HDAC1: variants seen among roughly 807,000 people sequenced by gnomAD.
The protein encoded by HDAC1 is histone deacetylase 1, also known as protein deacetylase HDAC1.
In HDAC1, 18 loss-of-function variants were observed where a neutral mutation model predicts 65.5. The observed-to-expected ratio is 0.27, with a 90% CI of 0.19 to 0.41. The LOEUF is 0.41. HDAC1 is among the 10% of genes least tolerant of loss of function. HDAC1 has a pLI of 1.00. For synonymous variants in HDAC1, 211 were observed against 227.9 expected, an observed-to-expected ratio of 0.93 and a Z score of 0.67; for missense variants, 373 against 625.2, an observed-to-expected ratio of 0.60 and a Z score of 4.30.
intron 3 of HDAC1, among the ~76,000 whole-genome samples, chr1:32,318,338 C>G (rs1641092543): frequency 6.6e-6 from 1 of 152,152 alleles, no homozygotes; most frequent in Non-Finnish European, 1.5e-5. Context: ...GGGAGGATTG[C>G]TTGAGCCCAG....
chr1:32,308,241 C>G (rs547696559), intron 2 of HDAC1, among the ~76,000 whole-genome samples: 1 of 152,304 alleles, frequency 6.6e-6, no homozygotes, highest in Admixed American at 6.5e-5. Flanking sequence ...ATAGCTTGAA[C>G]CTGGGAGGCA....
At chr1:32,313,686 T>C (rs1478180918) in intron 2 of HDAC1, among the ~76,000 whole-genome samples, 7 of 152,228 alleles carry the variant, frequency 4.6e-5, no homozygotes, top group African/African-American at 9.6e-5. Context: ...GAAAAATAAC[T>C]GATTCCTGGC....
In HDAC1 at chr1:32,330,875, A is replaced by G; in HGVS notation, c.946A>G (p.Thr316Ala). The change falls in exon 9 of 14, where the codon ACA (threonine) becomes GCA (alanine). Residue 316 changes from threonine (T) to alanine (A), a missense_variant. Coordinates refer to ENST00000373548, the MANE Select transcript of HDAC1 (RefSeq NM_004964.3). The surrounding 1 kb of genome is among the most constrained non-coding windows in gnomAD (Gnocchi z 4.2). ...CGTTGCCCGGTGCTGGACATATGAG[A>G]CAGCTGTGGCCCTGGATACGGAGAT... is the stretch of plus-strand genomic sequence containing the variant. ...RNVARCWTYE[T>A]AVALDTEIPN... 1 of 1,614,048 alleles carries G rather than the reference A, an allele frequency of 6.2e-7. No homozygotes were observed. The highest frequency in any genetic ancestry group is 8.5e-7 in the Non-Finnish European group (1 of 1,179,980).
chr1:32,292,130 C>T lies in HDAC1; in HGVS notation c.-40C>T, dbSNP rs993642238. 8 of 1,543,080 alleles carry T rather than the reference C, an allele frequency of 5.2e-6. No individual in the cohort carries two copies. In the Admixed American group the frequency reaches 9.8e-5, roughly 19 times the overall value. On this transcript the variant is annotated 5_prime_UTR_variant, in exon 1 of 14. Transcript: ENST00000373548. ...CTGAGCGGAGCCGCGGGCGGGAGGG[C>T]GGACGGACCGACTGACGGTAGGGAC... is the stretch of plus-strand genomic sequence containing the variant.
At chr1:32,317,798 G>A (rs1016905012) in intron 3 of HDAC1, among the ~76,000 whole-genome samples, 1 of 152,118 alleles carries the variant, frequency 6.6e-6, no homozygotes, top group African/African-American at 2.4e-5. Context: ...CCTGTAGATG[G>A]CTTTAGAGGT....
At chr1:32,301,125 T>A (rs1427180671) in intron 1 of HDAC1, among the ~76,000 whole-genome samples, 1 of 147,318 alleles carries the variant, frequency 6.8e-6, no homozygotes, top group Non-Finnish European at 1.5e-5. Context: ...GTTAAGAAAG[T>A]CCTTGGATGA....
chr1:32,314,387 T>G (rs1439901998), intron 2 of HDAC1, among the ~76,000 whole-genome samples: 2 of 151,878 alleles, frequency 1.3e-5, no homozygotes, highest in African/African-American at 4.8e-5. Flanking sequence ...GAGACAGGGT[T>G]TCACCACGTT....
At position 32,306,784 on chromosome 1, in the gene HDAC1, G is replaced by A. The variant is rs558815463; in HGVS notation, c.162+4051G>A. On this transcript the variant is annotated intron_variant, in intron 2 of 13. Transcript: ENST00000373548. ...GGGGGGATACTTTCTAGTATGCCCAGTAGATTCCTGAAACCATGGATAGTA... is the reference window on the plus strand; with the variant it reads ...GGGGGGATACTTTCTAGTATGCCCAATAGATTCCTGAAACCATGGATAGTA... Among the ~76,000 whole-genome samples, 27 of 152,150 alleles carry A rather than the reference G, an allele frequency of 1.8e-4. No individual in the cohort carries two copies. In the South Asian group the frequency reaches 2.1e-3, roughly 12 times the overall value.
chr1:32,329,349 T>C lies in HDAC1; in HGVS notation c.729+189T>C, dbSNP rs1322974782. 2 of 611,110 alleles carry C rather than the reference T, an allele frequency of 3.3e-6. No individual in the cohort carries two copies. The highest frequency in any genetic ancestry group is 5.9e-6 in the Non-Finnish European group (2 of 341,840). The allele number at this position is 611,110 out of a possible 1,614,324, so 37.9% of individuals were successfully genotyped here. ...AACACCCATATTTATTGGTTCCTTC[T>C]ATGGGTCAGGTCTTCTGCTGGATAC... On this transcript the variant is annotated intron_variant, in intron 7 of 13. Transcript: ENST00000373548. This position sits in a 1 kb window ranked among gnomAD's most constrained non-coding sequence, Gnocchi z 4.1.
intron 2 of HDAC1, among the ~76,000 whole-genome samples, chr1:32,312,054 C>T: frequency 6.6e-6 from 1 of 152,140 alleles, no homozygotes; most frequent in Admixed American, 6.6e-5. Flanking sequence ...TGTGTTTGCC[C>T]AGGCTGGCCT....
intron 2 of HDAC1, among the ~76,000 whole-genome samples, chr1:32,307,113 T>C (rs1361876389): frequency 6.6e-6 from 1 of 152,054 alleles, no homozygotes; most frequent in African/African-American, 2.4e-5. Context: ...GACGTGGTGG[T>C]GCATACCTGT....
intron 3 of HDAC1, among the ~76,000 whole-genome samples, chr1:32,321,973 C>A (rs567964090): frequency 7.9e-5 from 12 of 152,160 alleles, no homozygotes; most frequent in Non-Finnish European, 1.8e-4. Context: ...GCTGCACACT[C>A]CCTCATGCAG....
chr1:32,315,981 C>A lies in HDAC1; in HGVS notation c.163-684C>A, dbSNP rs572106744. Among the ~76,000 whole-genome samples the A allele has an allele frequency of 2.7e-4, 35 of 130,132 alleles. 1 individual carries two copies. Among genetic ancestry groups the A allele is most frequent in the Middle Eastern group, 5.7e-3 (1 of 174 alleles). The allele number at this position is 130,132 out of a possible 152,430, so 85.4% of individuals were successfully genotyped here. A position where few individuals can be genotyped will look rare whatever the true frequency, so the allele number is the denominator to read the frequency against. On this transcript the variant is annotated intron_variant, in intron 2 of 13. Coordinates refer to ENST00000373548, the MANE Select transcript of HDAC1 (RefSeq NM_004964.3). ...CTCCGCCTCAAAACAAACAAACAAACAAAAAAAAACGAAAAAAAAGGTCGG... is the reference window on the plus strand; with the variant it reads ...CTCCGCCTCAAAACAAACAAACAAAAAAAAAAAAACGAAAAAAAAGGTCGG...
At chr1:32,322,809 G>T (rs935937559) in intron 3 of HDAC1, among the ~76,000 whole-genome samples, 9 of 152,282 alleles carry the variant, frequency 5.9e-5, no homozygotes, top group Admixed American at 3.9e-4. Flanking sequence ...AAGACACCGG[G>T]ACCCTGATTC....
Position 32,292,132 on chromosome 1 carries a change from G to C in HDAC1, c.-38G>C. On this transcript the variant is annotated 5_prime_UTR_variant, in exon 1 of 14. Coordinates refer to ENST00000373548, the MANE Select transcript of HDAC1 (RefSeq NM_004964.3). The stretch of plus-strand genomic sequence containing the variant: ...GAGCGGAGCCGCGGGCGGGAGGGCG[G>C]ACGGACCGACTGACGGTAGGGACGG... The C allele has an allele frequency of 6.5e-7, 1 of 1,545,712 alleles. No homozygotes were observed. Among genetic ancestry groups the C allele is most frequent in the Non-Finnish European group, 8.7e-7 (1 of 1,144,762 alleles).
Position 32,330,397 on chromosome 1 carries a change from A to C in HDAC1, c.730-181A>C. 3.3e-6 allele frequency: 2 copies of C among 602,724 alleles called. No individual in the cohort carries two copies. Among genetic ancestry groups the C allele is most frequent in the Middle Eastern group, 4.6e-4 (1 of 2,166 alleles). The allele number at this position is 602,724 out of a possible 1,614,324, so 37.3% of individuals were successfully genotyped here. The stretch of plus-strand genomic sequence containing the variant: ...GGTCTTAGAGAACTTTTTAAATTGG[A>C]AAATTGAAATCCCAAGTGGGCAAGC... On this transcript the variant is annotated intron_variant, in intron 7 of 13. Transcript: ENST00000373548. The surrounding 1 kb of genome is among the most constrained non-coding windows in gnomAD (Gnocchi z 4.2).
intron 3 of HDAC1, 69 bp from the exon 4 acceptor site, chr1:32,324,410 T>C (rs1641188704): frequency 1.9e-6 from 2 of 1,055,302 alleles, no homozygotes; most frequent in Non-Finnish European, 3.0e-6. Context: ...TGTGTTTTTT[T>C]CCATCAGCTC....
At chr1:32,299,335 C>G in intron 1 of HDAC1, among the ~76,000 whole-genome samples, 1 of 152,082 alleles carries the variant, frequency 6.6e-6, no homozygotes, top group African/African-American at 2.4e-5. Flanking sequence ...GTAATCCCAG[C>G]ACTTTAGAAG....
In HDAC1 at chr1:32,330,965, C is replaced by T. The variant is rs1641283446; in HGVS notation, c.979+57C>T. On this transcript the variant is annotated intron_variant, in intron 9 of 13. Coordinates refer to ENST00000373548, the MANE Select transcript of HDAC1 (RefSeq NM_004964.3). This position sits in a 1 kb window ranked among gnomAD's most constrained non-coding sequence, Gnocchi z 4.2. The stretch of plus-strand genomic sequence containing the variant: ...TGGGTGGGAGCTGGAGCTCATCTGT[C>T]CTTAAGTTTATAACCCCTTCCCCGT... 2 of 1,578,598 alleles carry T rather than the reference C, an allele frequency of 1.3e-6. No homozygotes were observed. The highest frequency in any genetic ancestry group is 1.7e-6 in the Non-Finnish European group (2 of 1,149,068).
Sources: allele counts gnomAD v4.1 joint callset (sites outside exome capture counted in the v4.1 genomes callset), GRCh38; gene constraint gnomAD v4.1.1; non-coding constraint Gnocchi (gnomAD v3.1); transcripts MANE v1.5; gene names NCBI Gene and HGNC (gene_info 2026-07-23, HGNC 2026-07-21).